Variants in CNTNAP4 observed in about 807,000 individuals in gnomAD.
The protein encoded by CNTNAP4 is contactin associated protein family member 4.
A neutral mutation model predicts 148.4 loss-of-function variants in CNTNAP4; 98 were observed. That is an observed-to-expected ratio of 0.66 (90% CI 0.56 to 0.78). The LOEUF (loss-of-function observed/expected upper bound fraction) is 0.78. Among genes scored for constraint, CNTNAP4 ranks in the 30% least tolerant of loss-of-function variants. CNTNAP4 has a pLI of 0.00. For missense variants in CNTNAP4, 1,935 were observed against 1,565.6 expected (o/e 1.24, Z -3.98); for synonymous variants, 730 against 565.1 (o/e 1.29, Z -4.14).
intron 3 of CNTNAP4, among the ~76,000 whole-genome samples, chr16:76,382,610 C>T (rs1046315873): frequency 6.6e-6 from 1 of 152,088 alleles, no homozygotes; most frequent in African/African-American, 2.4e-5. Flanking sequence ...GAATTAGATA[C>T]ATCAATATGA....
At chr16:76,351,993 A>G (rs1417089281) in intron 2 of CNTNAP4, among the ~76,000 whole-genome samples, 3 of 152,192 alleles carry the variant, frequency 2.0e-5, no homozygotes, top group African/African-American at 4.8e-5. Flanking sequence ...AGACCATTAC[A>G]ATTAACTAGA....
intron 9 of CNTNAP4, 43 bp downstream of exon 9, chr16:76,462,148 T>G: frequency 6.5e-7 from 1 of 1,540,606 alleles, no homozygotes; most frequent in South Asian, 1.2e-5. Context: ...GAACCATATT[T>G]GCATTAGTGC....
At chr16:76,439,387 A>T (rs2145133737) in intron 4 of CNTNAP4, among the ~76,000 whole-genome samples, 1 of 152,268 alleles carries the variant, frequency 6.6e-6, no homozygotes, top group South Asian at 2.1e-4. Flanking sequence ...GCATTTTGAT[A>T]TTTCCATTTG....
chr16:76,297,991 C>T (rs1033829559), intron 1 of CNTNAP4, among the ~76,000 whole-genome samples: 4 of 151,886 alleles, frequency 2.6e-5, no homozygotes, highest in Non-Finnish European at 4.4e-5. Context: ...CCTGAAGAGA[C>T]CCTTCTGTTT....
intron 17 of CNTNAP4, among the ~76,000 whole-genome samples, chr16:76,532,323 A>G (rs144613613): frequency 1.3e-5 from 2 of 152,176 alleles, no homozygotes; most frequent in Admixed American, 1.3e-4. Context: ...CCTCTAACGA[A>G]ATGTGTTTAT....
At chr16:76,444,879 T>A (rs973277420) in intron 4 of CNTNAP4, among the ~76,000 whole-genome samples, 1 of 152,144 alleles carries the variant, frequency 6.6e-6, no homozygotes, top group African/African-American at 2.4e-5. Flanking sequence ...AAGGGTATTG[T>A]TTACCTGCAT....
chr16:76,544,274 C>T (rs1467031314), intron 21 of CNTNAP4, among the ~76,000 whole-genome samples: 1 of 151,280 alleles, frequency 6.6e-6, no homozygotes, highest in Non-Finnish European at 1.5e-5. Flanking sequence ...ATATAACTGT[C>T]CCATGCTTTT....
chr16:76,472,254 T>C (rs1467145998), intron 10 of CNTNAP4, among the ~76,000 whole-genome samples: 1 of 151,994 alleles, frequency 6.6e-6, no homozygotes, highest in African/African-American at 2.4e-5. Flanking sequence ...AGGTTACTAG[T>C]AGTAAACATT....
intron 1 of CNTNAP4, among the ~76,000 whole-genome samples, chr16:76,312,928 A>G (rs1961295207): frequency 6.6e-6 from 1 of 152,218 alleles, no homozygotes; most frequent in African/African-American, 2.4e-5. Flanking sequence ...GTTCTGTAAG[A>G]ATAACTACAA....
chr16:76,423,658 G>A (rs1407807759), intron 3 of CNTNAP4, among the ~76,000 whole-genome samples: 1 of 152,056 alleles, frequency 6.6e-6, no homozygotes, highest in Non-Finnish European at 1.5e-5. Context: ...AAGTAATATA[G>A]CATCATATGC....
At chr16:76,511,840 A>AGAGAGT (rs1482017830) in intron 15 of CNTNAP4, among the ~76,000 whole-genome samples, 1 of 149,612 alleles carries the variant, frequency 6.7e-6, no homozygotes, top group Non-Finnish European at 1.5e-5. Flanking sequence ...ATTTTCTTGG[A>AGAGAGT]GAGAGAGAGA....
intron 15 of CNTNAP4, among the ~76,000 whole-genome samples, chr16:76,500,094 C>T (rs570937153): frequency 1.5e-4 from 23 of 152,220 alleles, no homozygotes; most frequent in Non-Finnish European, 2.8e-4. Context: ...GACGGGGTGG[C>T]GGCGGGGCAG....
At chr16:76,336,451 G>C (rs1964035064) in intron 2 of CNTNAP4, among the ~76,000 whole-genome samples, 2 of 152,200 alleles carry the variant, frequency 1.3e-5, no homozygotes, top group South Asian at 2.1e-4. Context: ...TCCCCCAAAA[G>C]AAAAAGTTAT....
At chr16:76,555,329 A>G (rs1441914927) in intron 23 of CNTNAP4, among the ~76,000 whole-genome samples, 4 of 152,190 alleles carry the variant, frequency 2.6e-5, no homozygotes, top group Admixed American at 6.5e-5. Flanking sequence ...TAGGATTCCC[A>G]TTTAATCACC....
intron 3 of CNTNAP4, among the ~76,000 whole-genome samples, chr16:76,357,862 G>A (rs1381233090): frequency 6.6e-6 from 1 of 152,042 alleles, no homozygotes; most frequent in African/African-American, 2.4e-5. Flanking sequence ...TTCTTTATGG[G>A]CGAGATTTTC....
In CNTNAP4 at chr16:76,489,914, A is replaced by C. The variant is rs751076110; in HGVS notation, c.2080+31A>C. 6 of 1,417,594 alleles carry C rather than the reference A, an allele frequency of 4.2e-6. No individual in the cohort carries two copies. In the East Asian group the frequency reaches 1.5e-4, roughly 35 times the overall value. The allele number at this position is 1,417,594 out of a possible 1,614,324, so 87.8% of individuals were successfully genotyped here. Reference sequence around the variant, plus strand: ...TAAACCATGGTGTCTGTCTTGTTGCACACATCACATCATGCACTTACTCAA... The same window carrying C: ...TAAACCATGGTGTCTGTCTTGTTGCCCACATCACATCATGCACTTACTCAA... On this transcript the variant is annotated intron_variant, in intron 13 of 23. Coordinates refer to ENST00000611870, the MANE Select transcript of CNTNAP4 (RefSeq NM_033401.5).
At chr16:76,313,636 G>T (rs1567666395) in intron 1 of CNTNAP4, among the ~76,000 whole-genome samples, 1 of 152,150 alleles carries the variant, frequency 6.6e-6, no homozygotes, top group South Asian at 2.1e-4. Context: ...AATGGTGAAA[G>T]AATTTAAGGT....
intron 1 of CNTNAP4, among the ~76,000 whole-genome samples, chr16:76,313,904 T>C (rs1339753884): frequency 6.6e-6 from 1 of 152,154 alleles, no homozygotes; most frequent in Non-Finnish European, 1.5e-5. Context: ...AATAGAGAAA[T>C]ATTTTTCTGA....
chr16:76,383,984 A>G (rs1323758906), intron 3 of CNTNAP4, among the ~76,000 whole-genome samples: 1 of 152,162 alleles, frequency 6.6e-6, no homozygotes, highest in African/African-American at 2.4e-5. Flanking sequence ...AATTTTTAGT[A>G]AAGTTCTCAG....
Sources: allele counts gnomAD v4.1 joint callset (sites outside exome capture counted in the v4.1 genomes callset), GRCh38; gene constraint gnomAD v4.1.1; transcripts MANE v1.5; gene names NCBI Gene and HGNC (gene_info 2026-07-23, HGNC 2026-07-21).